The following ITPRID1 variants were observed in gnomAD, a reference collection of about 807,000 sequenced individuals.
The protein encoded by ITPRID1 is protein ITPRID1.
In ITPRID1, 96 loss-of-function variants were observed where a neutral mutation model predicts 95.4. The ratio of observed to expected loss-of-function variants is 1.01; its 90% confidence interval spans 0.85 to 1.19. The LOEUF (loss-of-function observed/expected upper bound fraction) is 1.19. Ranked by LOEUF, ITPRID1 falls within the 50% of genes most tolerant of loss-of-function variation. ITPRID1 has a pLI of 0.00. For missense variants in ITPRID1, 1,339 were observed against 1,252.9 expected (o/e 1.07, Z -1.04); for synonymous variants, 510 against 453.6 (o/e 1.12, Z -1.58).
At chr7:31,518,699 A>G (rs1176980267) in intron 1 of ITPRID1, among the ~76,000 whole-genome samples, 1 of 152,258 alleles carries the variant, frequency 6.6e-6, no homozygotes, top group Non-Finnish European at 1.5e-5. Flanking sequence ...AAAAATCTAA[A>G]AAACAATTCT....
intron 10 of ITPRID1, among the ~76,000 whole-genome samples, chr7:31,605,541 G>C (rs147157287): frequency 2.6e-4 from 39 of 152,310 alleles, no homozygotes; most frequent in Middle Eastern, 3.4e-3. Context: ...TCAGGGACAT[G>C]TTGGAAGGAA....
chr7:31,642,561 C>T, intron 11 of ITPRID1, 121 bp from the exon 12 acceptor site: 1 of 873,332 alleles, frequency 1.1e-6, no homozygotes, highest in East Asian at 2.7e-5. Context: ...AGATGCAAAA[C>T]CTGATGTTGC....
chr7:31,567,624 C>T (rs1784845506), intron 5 of ITPRID1, among the ~76,000 whole-genome samples: 1 of 151,018 alleles, frequency 6.6e-6, no homozygotes, highest in African/African-American at 2.4e-5. Context: ...CTCTGTCACC[C>T]AGGCTTGAGC....
chr7:31,563,228 G>A (rs1288140816), intron 5 of ITPRID1, among the ~76,000 whole-genome samples: 1 of 152,164 alleles, frequency 6.6e-6, no homozygotes, highest in African/African-American at 2.4e-5. Context: ...AAGCAATAGG[G>A]GTTTGAACAA....
chr7:31,565,663 G>A (rs1196646957), intron 5 of ITPRID1, among the ~76,000 whole-genome samples: 1 of 152,122 alleles, frequency 6.6e-6, no homozygotes, highest in Non-Finnish European at 1.5e-5. Flanking sequence ...ACTTGAACCT[G>A]AGAAGCGGAG....
intron 10 of ITPRID1, among the ~76,000 whole-genome samples, chr7:31,598,594 G>A (rs1421604164): frequency 6.6e-6 from 1 of 151,532 alleles, no homozygotes. Context: ...TAGTAGGGAC[G>A]GGGTTTCACC....
At chr7:31,574,787 A>G in intron 8 of ITPRID1, 45 bp downstream of exon 8, 1 of 1,570,838 alleles carries the variant, frequency 6.4e-7, no homozygotes, top group Middle Eastern at 1.7e-4. Flanking sequence ...ATTGGGAATG[A>G]GTGGGCAGGT....
In ITPRID1 at chr7:31,643,787, G is replaced by A; in HGVS notation, c.2417G>A (p.Cys806Tyr). Residue 806 changes from cysteine to tyrosine, a missense_variant, in exon 12 of 15, where the codon TGC becomes TAC. Coordinates refer to ENST00000615280, the MANE Select transcript of ITPRID1 (RefSeq NM_001257967.3). ...GTCHAIPAHCCICCHHHPHCH... is the reference protein window; with the variant it reads ...GTCHAIPAHCYICCHHHPHCH... ...TGCCATGCTATACCTGCCCACTGCT[G>A]CATCTGCTGTCATCACCACCCTCAC... The A allele has an allele frequency of 1.2e-6, 2 of 1,613,960 alleles. No individual in the cohort carries two copies. The highest frequency in any genetic ancestry group is 1.7e-6 in the Non-Finnish European group (2 of 1,179,898).
At chr7:31,648,497 A>G (rs34124) in intron 12 of ITPRID1, among the ~76,000 whole-genome samples, 148,889 of 152,218 alleles carry the variant, frequency 0.98, 72,823 homozygotes, top group African/African-American at 0.98. Context: ...AGATGGCAGC[A>G]TTTCAGAATC....
chr7:31,566,387 A>AT (rs537669634), intron 5 of ITPRID1, among the ~76,000 whole-genome samples: 144 of 152,336 alleles, frequency 9.5e-4, no homozygotes, highest in Middle Eastern at 6.8e-3. Context: ...GGCAAACAAA[A>AT]AAGACCAAAG....
chr7:31,539,308 C>A (rs909196551), intron 1 of ITPRID1, among the ~76,000 whole-genome samples: 6 of 152,142 alleles, frequency 3.9e-5, no homozygotes, highest in Non-Finnish European at 5.9e-5. Context: ...CCACAGCCCC[C>A]CAAGTAGCTG....
At chr7:31,619,310 G>T (rs1263091724) in intron 10 of ITPRID1, among the ~76,000 whole-genome samples, 1 of 152,138 alleles carries the variant, frequency 6.6e-6, no homozygotes, top group Non-Finnish European at 1.5e-5. Context: ...GGTCCATAAA[G>T]TTAGTGATTT....
chr7:31,514,458 T>C (rs576372045), intron 1 of ITPRID1, among the ~76,000 whole-genome samples: 29 of 152,262 alleles, frequency 1.9e-4, no homozygotes, highest in African/African-American at 7.0e-4. Flanking sequence ...GTATTGGCCA[T>C]TTCCTGGATG....
Position 31,553,189 on chromosome 7 carries a change from T to C in ITPRID1, c.163+2T>C. 1 of 1,569,998 alleles carries C rather than the reference T, an allele frequency of 6.4e-7. No individual in the cohort carries two copies. The highest frequency in any genetic ancestry group is 8.6e-7 in the Non-Finnish European group (1 of 1,156,402). ...AGAGTCTCACCATCCCCATGCTGGG[T>C]GAGAAGGACTCTCAGGCCTATTTGA... On this transcript the variant is annotated splice_donor_variant, in intron 3 of 14. Coordinates refer to ENST00000615280, the MANE Select transcript of ITPRID1 (RefSeq NM_001257967.3). LOFTEE classifies it high-confidence loss of function.
chr7:31,644,153 C>T (rs1420492594), intron 12 of ITPRID1, among the ~76,000 whole-genome samples, 200 bp downstream of exon 12: 1 of 152,186 alleles, frequency 6.6e-6, no homozygotes, highest in African/African-American at 2.4e-5. Flanking sequence ...AATCAATCAC[C>T]TTTAGAAATA....
intron 10 of ITPRID1, among the ~76,000 whole-genome samples, chr7:31,622,041 A>G (rs1374929895): frequency 3.5e-5 from 5 of 142,546 alleles, no homozygotes; most frequent in Non-Finnish European, 7.7e-5. Context: ...GATCAATTCA[A>G]CAAGAAGAGC....
At chr7:31,623,096 A>G (rs1788078419) in intron 10 of ITPRID1, among the ~76,000 whole-genome samples, 2 of 152,232 alleles carry the variant, frequency 1.3e-5, no homozygotes, top group African/African-American at 2.4e-5. Flanking sequence ...AGGATCTGAA[A>G]TTGTGGCAAT....
rs902115624 is a variant in ITPRID1, at chr7:31,650,710, A to G, written c.2584-432A>G. 5.9e-5 allele frequency among the ~76,000 whole-genome samples: 9 copies of G among 152,204 alleles called. 1 individual carries two copies. On this transcript the variant is annotated intron_variant, in intron 12 of 14. Coordinates refer to ENST00000615280, the MANE Select transcript of ITPRID1 (RefSeq NM_001257967.3). ...GCAGATTTTCTTTAATCAAACACAT[A>G]CCAGCTGAACAGATGTGTTCAATGT... is the stretch of plus-strand genomic sequence containing the variant.
At chr7:31,551,455 A>T (rs1784283016) in intron 2 of ITPRID1, among the ~76,000 whole-genome samples, 2 of 143,974 alleles carry the variant, frequency 1.4e-5, no homozygotes, top group Non-Finnish European at 3.1e-5. Flanking sequence ...TGCTACCAGC[A>T]GATATTCCTA....
Sources: allele counts gnomAD v4.1 joint callset (sites outside exome capture counted in the v4.1 genomes callset), GRCh38; gene constraint gnomAD v4.1.1; transcripts MANE v1.5; gene names NCBI Gene and HGNC (gene_info 2026-07-23, HGNC 2026-07-21).